The following SHANK2 variants were observed in gnomAD, a reference collection of about 807,000 sequenced individuals.
SHANK2 encodes the protein SH3 and multiple ankyrin repeat domains protein 2.
SHANK2 carries 43 observed loss-of-function variants against 133.7 expected under a neutral mutation model. The observed-to-expected ratio is 0.32, with a 90% confidence interval of 0.25 to 0.41. The LOEUF (loss-of-function observed/expected upper bound fraction) is 0.41, where lower values mean the gene tolerates loss of function less well. Among genes scored for constraint, SHANK2 ranks in the 10% least tolerant of loss-of-function variants. The pLI is 1.00. For missense variants in SHANK2, 1,994 were observed against 2,235.8 expected (o/e 0.89, Z 2.18); for synonymous variants, 1,017 against 952.8 (o/e 1.07, Z -1.24).
chr11:70,551,687 C>T (rs2059770728), intron 17 of SHANK2, among the ~76,000 whole-genome samples: 1 of 152,236 alleles, frequency 6.6e-6, no homozygotes, highest in Admixed American at 6.5e-5. Flanking sequence ...TACTAAGACA[C>T]TAAAATAAAT....
At chr11:70,584,677 C>A (rs906823856) in intron 17 of SHANK2, among the ~76,000 whole-genome samples, 1 of 152,186 alleles carries the variant, frequency 6.6e-6, no homozygotes, top group African/African-American at 2.4e-5. Flanking sequence ...CATTTCCCCC[C>A]TCTCCCTCTG....
intron 2 of SHANK2, among the ~76,000 whole-genome samples, chr11:71,155,127 C>T (rs1257996626): frequency 8.9e-6 from 1 of 112,268 alleles, no homozygotes; most frequent in Non-Finnish European, 1.9e-5. Context: ...AGGGGTGGAC[C>T]TACCCCAGCC....
At chr11:71,082,668 C>T (rs1050295029) in intron 8 of SHANK2, among the ~76,000 whole-genome samples, 2 of 152,164 alleles carry the variant, frequency 1.3e-5, no homozygotes, top group South Asian at 2.1e-4. Flanking sequence ...GTCCCCTCGC[C>T]GTGGGGCCCA....
At chr11:70,617,712 G>C (rs2060770746) in intron 17 of SHANK2, among the ~76,000 whole-genome samples, 1 of 152,092 alleles carries the variant, frequency 6.6e-6, no homozygotes, top group African/African-American at 2.4e-5. Context: ...ACGTGCATAT[G>C]ACCAAAACTC....
intron 3 of SHANK2, among the ~76,000 whole-genome samples, chr11:71,141,823 A>G (rs1438474451): frequency 6.6e-6 from 1 of 152,174 alleles, no homozygotes; most frequent in African/African-American, 2.4e-5. Context: ...TCACCCATGC[A>G]CTATGCGAAC....
chr11:70,535,826 CA>C lies in SHANK2; in HGVS notation c.2062-32896del, dbSNP rs2059536059. Among the ~76,000 whole-genome samples the C allele has an allele frequency of 6.6e-6, 1 of 152,206 alleles. No homozygotes were observed. Among genetic ancestry groups the C allele is most frequent in the Admixed American group, 6.5e-5 (1 of 15,292 alleles). On this transcript the variant is annotated intron_variant, in intron 17 of 25. Coordinates refer to ENST00000601538, the MANE Select transcript of SHANK2 (RefSeq NM_012309.5). The surrounding 1 kb of genome is among the most constrained non-coding windows in gnomAD (Gnocchi z 4.3). ...CCGCTGGCAGGGAGCTGGGCCCAGG[CA>C]CTTGGGAAGCTTGGGAGCCTGAGAA...
chr11:71,079,995 G>C (rs1453713878), intron 8 of SHANK2, among the ~76,000 whole-genome samples: 1 of 151,750 alleles, frequency 6.6e-6, no homozygotes, highest in Non-Finnish European at 1.5e-5. Flanking sequence ...TTGACACAAA[G>C]ATACTGAAAG....
intron 14 of SHANK2, among the ~76,000 whole-genome samples, chr11:70,729,506 C>A (rs569995718): frequency 6.6e-6 from 1 of 151,528 alleles, no homozygotes; most frequent in Non-Finnish European, 1.5e-5. Context: ...ACTCATGCCA[C>A]TGCACTGTGT....
intron 17 of SHANK2, chr11:70,604,043 G>T (rs559528387): frequency 1.6e-4 from 25 of 152,488 alleles, no homozygotes; most frequent in African/African-American, 5.3e-4. Context: ...CCTGTGTGCA[G>T]AGCCAGCAGC....
At chr11:70,802,220 A>G (rs6592793) in intron 13 of SHANK2, among the ~76,000 whole-genome samples, 55,201 of 152,030 alleles carry the variant, frequency 0.36, 12,085 homozygotes, top group African/African-American at 0.61. Flanking sequence ...GCACCTATGA[A>G]AACCAACTGC....
chr11:70,710,019 G>A (rs1945745940), intron 14 of SHANK2, among the ~76,000 whole-genome samples: 1 of 152,166 alleles, frequency 6.6e-6, no homozygotes, highest in African/African-American at 2.4e-5. Context: ...CGCTGGACTT[G>A]AAATTCAGAG....
intron 11 of SHANK2, among the ~76,000 whole-genome samples, chr11:70,850,499 A>C (rs1400926784): frequency 6.6e-6 from 1 of 152,168 alleles, no homozygotes; most frequent in Non-Finnish European, 1.5e-5. Flanking sequence ...AGCACCTGTG[A>C]GGAACTCTCT....
At chr11:71,193,140 A>C (rs1953824509) in intron 2 of SHANK2, among the ~76,000 whole-genome samples, 1 of 152,206 alleles carries the variant, frequency 6.6e-6, no homozygotes, top group African/African-American at 2.4e-5. Flanking sequence ...AACTCTGCTA[A>C]AGCCAGATTC....
rs573748620 is a variant in SHANK2, at chr11:71,244,845, A to AC, written c.-113+7579_-113+7580insG. 1.7e-3 allele frequency among the ~76,000 whole-genome samples: 260 copies of AC among 152,230 alleles called. 2 individuals carry two copies. Among genetic ancestry groups the AC allele is most frequent in the African/African-American group, 5.8e-3 (241 of 41,518 alleles). ...TAGCCTTCTGAGTAGCTGGGACTAC[A>AC]AGTGTGCCCCACTGTGCCTGGCTAA... is the stretch of plus-strand genomic sequence containing the variant. On this transcript the variant is annotated intron_variant, in intron 1 of 25. Transcript: ENST00000601538.
In SHANK2 at chr11:70,942,802, TA is replaced by T. The variant is rs369952585; in HGVS notation, c.1108-46236del. On this transcript the variant is annotated intron_variant, in intron 10 of 25. Transcript: ENST00000601538. Reference sequence around the variant, plus strand: ...AACTCTGCACCAAGCTGTACCGGGTTAACACTGCCACTCAGTGGCCAGCTCA... The same window carrying T: ...AACTCTGCACCAAGCTGTACCGGGTTACACTGCCACTCAGTGGCCAGCTCA... 165 of 456,716 alleles carry T rather than the reference TA, an allele frequency of 3.6e-4. 1 individual carries two copies. Among genetic ancestry groups the T allele is most frequent in the African/African-American group, 3.0e-3 (149 of 50,196 alleles). 28.3% of individuals were successfully genotyped at this position (456,716 alleles called of 1,614,324 possible).
intron 17 of SHANK2, among the ~76,000 whole-genome samples, chr11:70,613,321 C>T (rs11820809): frequency 2.6e-5 from 4 of 151,872 alleles, no homozygotes; most frequent in East Asian, 1.9e-4. Flanking sequence ...CTCCTGCCTC[C>T]GCCTCCCAAG....
At chr11:70,615,925 TGGGCACCAGCATTTACTGGG>T (rs2060735259) in intron 17 of SHANK2, among the ~76,000 whole-genome samples, 1 of 151,988 alleles carries the variant, frequency 6.6e-6, no homozygotes. Context: ...GAGGTGAGGG[TGGGCACCAGCATTTACTGGG>T]GCCACTCAGA....
At chr11:70,859,182 C>T (rs1489477517) in intron 11 of SHANK2, among the ~76,000 whole-genome samples, 2 of 152,012 alleles carry the variant, frequency 1.3e-5, no homozygotes, top group Non-Finnish European at 2.9e-5. Context: ...GAGAGATGAA[C>T]AGATGTCTGG....
At chr11:70,507,044 G>C (rs1175543352) in intron 17 of SHANK2, among the ~76,000 whole-genome samples, 3 of 152,242 alleles carry the variant, frequency 2.0e-5, no homozygotes, top group Non-Finnish European at 4.4e-5. Flanking sequence ...CCTTTGCATA[G>C]AAAGTCTAGA....
Sources: allele counts gnomAD v4.1 joint callset (sites outside exome capture counted in the v4.1 genomes callset), GRCh38; gene constraint gnomAD v4.1.1; non-coding constraint Gnocchi (gnomAD v3.1); transcripts MANE v1.5; gene names NCBI Gene and HGNC (gene_info 2026-07-23, HGNC 2026-07-21).